The following CEP57L1 variants were observed in gnomAD, a reference collection of about 807,000 sequenced individuals.
CEP57L1 encodes centrosomal protein 57 like 1.
CEP57L1 carries 37 observed loss-of-function variants against 61.0 expected under a neutral mutation model. The observed-to-expected ratio is 0.61, with a 90% CI of 0.47 to 0.80. The LOEUF (loss-of-function observed/expected upper bound fraction) is 0.80. Ranked by LOEUF, CEP57L1 falls within the 30% of genes least tolerant of loss-of-function variation. The pLI is 0.00. For missense variants in CEP57L1, 422 were observed against 524.7 expected, an observed-to-expected ratio of 0.80 and a Z score of 1.91; for synonymous variants, 137 against 162.3, an observed-to-expected ratio of 0.84 and a Z score of 1.19.
intron 1 of CEP57L1, among the ~76,000 whole-genome samples, chr6:109,119,340 C>G (rs750248983): frequency 4.6e-5 from 7 of 152,082 alleles, no homozygotes; most frequent in Non-Finnish European, 7.4e-5. Context: ...CTTCAAAAGG[C>G]TACGTAATGG....
rs114882435 is a variant in CEP57L1, at chr6:109,126,376, A to C, written c.-3-18843A>C. On this transcript the variant is annotated intron_variant, in intron 1 of 10. Transcript: ENST00000517392. ...TTATTAGATTTCTGTTTCTCATTAT[A>C]AAAGTAAAATGTTTCATTGTGGACA... is the stretch of plus-strand genomic sequence containing the variant. Among the ~76,000 whole-genome samples, 1,258 of 152,294 alleles carry C rather than the reference A, an allele frequency of 8.3e-3. 23 individuals carry two copies. Among genetic ancestry groups the C allele is most frequent in the African/African-American group, 0.029 (1,210 of 41,552 alleles).
chr6:109,163,192 C>G lies in CEP57L1; in HGVS notation c.*222C>G, dbSNP rs947564512. On this transcript the variant is annotated 3_prime_UTR_variant, in exon 11 of 11. Coordinates refer to ENST00000517392, the MANE Select transcript of CEP57L1 (RefSeq NM_001271852.3). ...TTTCTTATTGATTGAAGCCCGTAAC[C>G]TCATCTTGTCTTAGAAACATTGTTG... 2.8e-5 allele frequency: 11 copies of G among 398,386 alleles called. No individual in the cohort carries two copies. The highest frequency in any genetic ancestry group is 2.1e-4 in the African/African-American group (10 of 48,234). The allele number at this position is 398,386 out of a possible 1,614,324, so 24.7% of individuals were successfully genotyped here.
At chr6:109,099,104 C>T (rs974407910) in intron 1 of CEP57L1, among the ~76,000 whole-genome samples, 3 of 152,062 alleles carry the variant, frequency 2.0e-5, no homozygotes, top group Non-Finnish European at 4.4e-5. Context: ...GTTTGAGATG[C>T]CTCTAAGAAA....
intron 1 of CEP57L1, among the ~76,000 whole-genome samples, chr6:109,117,487 G>A (rs948783717): frequency 1.3e-5 from 2 of 152,158 alleles, no homozygotes; most frequent in East Asian, 1.9e-4. Flanking sequence ...CTACTATGAC[G>A]AAAGCAACAT....
chr6:109,137,474 G>T (rs1438046819), intron 1 of CEP57L1, among the ~76,000 whole-genome samples: 1 of 151,912 alleles, frequency 6.6e-6, no homozygotes, highest in Admixed American at 6.6e-5. Flanking sequence ...GCTAATTTTT[G>T]TATTTTTAGT....
chr6:109,162,079 T>A (rs1226156059), intron 10 of CEP57L1, among the ~76,000 whole-genome samples: 1 of 152,044 alleles, frequency 6.6e-6, no homozygotes, highest in Non-Finnish European at 1.5e-5. Flanking sequence ...AGTTATTCCC[T>A]TGACTTTTTT....
At chr6:109,126,380 G>A (rs186081644) in intron 1 of CEP57L1, among the ~76,000 whole-genome samples, 1 of 152,182 alleles carries the variant, frequency 6.6e-6, no homozygotes, top group East Asian at 1.9e-4. Context: ...CATTATAAAA[G>A]TAAAATGTTT....
intron 1 of CEP57L1, among the ~76,000 whole-genome samples, chr6:109,104,667 C>A (rs1770711590): frequency 2.0e-5 from 3 of 152,146 alleles, no homozygotes; most frequent in Admixed American, 2.0e-4. Flanking sequence ...CTGCAAGCCT[C>A]AACCTCCCGG....
At chr6:109,123,381 A>G (rs1207870497) in intron 1 of CEP57L1, among the ~76,000 whole-genome samples, 1 of 152,146 alleles carries the variant, frequency 6.6e-6, no homozygotes, top group African/African-American at 2.4e-5. Flanking sequence ...CAGCCCCTTA[A>G]TAGCTGCATG....
chr6:109,107,115 A>G (rs1056985931), intron 1 of CEP57L1, among the ~76,000 whole-genome samples: 1 of 152,226 alleles, frequency 6.6e-6, no homozygotes, highest in African/African-American at 2.4e-5. Flanking sequence ...CAGACCCTCA[A>G]TTCTAATAAG....
chr6:109,141,181 G>A (rs1222755026), intron 1 of CEP57L1, among the ~76,000 whole-genome samples: 1 of 151,768 alleles, frequency 6.6e-6, no homozygotes, highest in Non-Finnish European at 1.5e-5. Flanking sequence ...TTGATGTATG[G>A]GGCAAGATGA....
At chr6:109,146,965 C>G in intron 3 of CEP57L1, 28 bp downstream of exon 3, 1 of 1,574,828 alleles carries the variant, frequency 6.3e-7, no homozygotes, top group African/African-American at 1.4e-5. Flanking sequence ...TCTCAGAAAC[C>G]GGGGGTTACT....
rs187034805 is a variant in CEP57L1 at position 109,174,080 on chromosome 6, A to G, written c.*11110A>G. Among the ~76,000 whole-genome samples, 4 of 148,136 alleles carry G rather than the reference A, an allele frequency of 2.7e-5. No individual in the cohort carries two copies. In the East Asian group the frequency reaches 7.9e-4, roughly 29 times the overall value. On this transcript the variant is annotated 3_prime_UTR_variant, in exon 11 of 11. Transcript: ENST00000517392. ...ATGCCATTGCACTCCAGCCTGAGCC[A>G]TAGAGTGAGTCTTGGTCTCAAAAAA...
chr6:109,108,021 T>C (rs1449752078), intron 1 of CEP57L1, among the ~76,000 whole-genome samples: 3 of 152,112 alleles, frequency 2.0e-5, no homozygotes, highest in Non-Finnish European at 4.4e-5. Context: ...TATGAAAACC[T>C]CAAAATTAAG....
rs779731525 is a variant in CEP57L1 at position 109,170,543 on chromosome 6, A to G, written c.*7573A>G. On this transcript the variant is annotated 3_prime_UTR_variant, in exon 11 of 11. Transcript: ENST00000517392. The stretch of plus-strand genomic sequence containing the variant: ...ATACAAGATTGATGTTTACAGGGCA[A>G]TTGTCCAGAATCTTGCTGAATTGGA... Among the ~76,000 whole-genome samples, 1 of 152,162 alleles carries G rather than the reference A, an allele frequency of 6.6e-6. No individual in the cohort carries two copies. The highest frequency in any genetic ancestry group is 1.5e-5 in the Non-Finnish European group (1 of 68,008).
intron 5 of CEP57L1, 40 bp from the exon 6 acceptor site, chr6:109,155,189 CT>C: frequency 8.0e-7 from 1 of 1,252,252 alleles, no homozygotes; most frequent in Non-Finnish European, 1.1e-6. Flanking sequence ...ATATTTGGCT[CT>C]AGTTTTTATG....
intron 1 of CEP57L1, chr6:109,129,458 G>A (rs1447777550): frequency 1.8e-6 from 1 of 552,784 alleles, no homozygotes; most frequent in African/African-American, 1.9e-5. Context: ...TCCTCAGAAA[G>A]AAACAAAACA....
intron 7 of CEP57L1, chr6:109,158,577 A>C (rs1773435806): frequency 2.2e-6 from 1 of 454,504 alleles, no homozygotes; most frequent in South Asian, 1.6e-5. Flanking sequence ...TTTTTATGTG[A>C]ACATAAGTTT....
At position 109,104,881 on chromosome 6, in the gene CEP57L1, TGGGTCCTGATA is replaced by T. The variant is rs1226991895; in HGVS notation, c.-4+9309_-4+9319del. Among the ~76,000 whole-genome samples, 3 of 152,286 alleles carry T rather than the reference TGGGTCCTGATA, an allele frequency of 2.0e-5. No homozygotes were observed. The East Asian group carries it at 5.8e-4, about 29-fold the overall frequency. ...GGATTACAGACATGAGCCACTGCAC[TGGGTCCTGATA>T]GGCTTCTTTTAAAATTTTTTTCAAT... is the stretch of plus-strand genomic sequence containing the variant. On this transcript the variant is annotated intron_variant, in intron 1 of 10. Coordinates refer to ENST00000517392, the MANE Select transcript of CEP57L1 (RefSeq NM_001271852.3).
Sources: allele counts gnomAD v4.1 joint callset (sites outside exome capture counted in the v4.1 genomes callset), GRCh38; gene constraint gnomAD v4.1.1; transcripts MANE v1.5; gene names NCBI Gene and HGNC (gene_info 2026-07-23, HGNC 2026-07-21).